ZBTB20: variants seen among roughly 807,000 people sequenced by gnomAD.
ZBTB20 encodes the protein zinc finger and BTB domain containing 20, also known as zinc finger and BTB domain-containing protein 20.
Under a neutral mutation model 56.9 loss-of-function variants are expected in ZBTB20, and 9 were observed. The observed-to-expected ratio is 0.16, with a 90% CI of 0.10 to 0.28. The LOEUF (loss-of-function observed/expected upper bound fraction) is 0.28, where lower values mean the gene tolerates loss of function less well. ZBTB20 is among the 10% of genes least tolerant of loss of function. The pLI is 1.00. For synonymous variants in ZBTB20, 417 were observed against 420.7 expected, an observed-to-expected ratio of 0.99 and a Z score of 0.11; for missense variants, 655 against 1,003.0, an observed-to-expected ratio of 0.65 and a Z score of 4.69.
chr3:114,436,123 T>C (rs971488665), intron 7 of ZBTB20, among the ~76,000 whole-genome samples: 3 of 152,202 alleles, frequency 2.0e-5, no homozygotes, highest in Non-Finnish European at 4.4e-5. Context: ...TACTATTAAA[T>C]TGATAACTAC....
chr3:115,016,595 A>T (rs778191674), intron 2 of ZBTB20, among the ~76,000 whole-genome samples: 11 of 151,766 alleles, frequency 7.2e-5, no homozygotes, highest in Non-Finnish European at 1.5e-4. Context: ...TGTTTTTGTC[A>T]GGTTTGTCGA....
intron 6 of ZBTB20, among the ~76,000 whole-genome samples, chr3:114,618,821 T>C (rs1357420936): frequency 6.6e-6 from 1 of 152,208 alleles, no homozygotes; most frequent in East Asian, 1.9e-4. Context: ...AGACAATTCT[T>C]TGCACTTTGT....
chr3:114,344,017 C>T (rs945043400), intron 11 of ZBTB20, among the ~76,000 whole-genome samples: 2 of 152,040 alleles, frequency 1.3e-5, no homozygotes, highest in African/African-American at 2.4e-5. Flanking sequence ...CCACTGCACT[C>T]CAGCCTGGGC....
intron 6 of ZBTB20, among the ~76,000 whole-genome samples, chr3:114,642,698 T>C (rs2059622917): frequency 6.6e-6 from 1 of 152,054 alleles, no homozygotes; most frequent in African/African-American, 2.4e-5. Flanking sequence ...CTGAAAACGT[T>C]TTAAGTTAAT....
rs1016379491 is a variant in ZBTB20, at chr3:114,869,640, C to CA, written c.-417+30663dup. On this transcript the variant is annotated intron_variant, in intron 4 of 11. Coordinates refer to ENST00000675478, the MANE Select transcript of ZBTB20 (RefSeq NM_001348800.3). ...CAAATGCTTCCTTTTATATTTTCAT[C>CA]AAAAAACAAGCCTATTTCCTTATCT... 2.6e-5 allele frequency among the ~76,000 whole-genome samples: 4 copies of CA among 152,130 alleles called. No homozygotes were observed. In the Middle Eastern group the frequency reaches 0.01, roughly 388 times the overall value.
Position 114,316,384 on chromosome 3 carries a change from G to A in ZBTB20, c.*22621C>T. ...GCAAGAGTCCAACCTTGTTTCCTCT[G>A]CTGCTGTTTGTGTAGCATCTGGTTT... On this transcript the variant is annotated 3_prime_UTR_variant, in exon 12 of 12. Coordinates refer to ENST00000675478, the MANE Select transcript of ZBTB20 (RefSeq NM_001348800.3). 1 of 435,370 alleles carries A rather than the reference G, an allele frequency of 2.3e-6. No homozygotes were observed. Among genetic ancestry groups the A allele is most frequent in the South Asian group, 1.7e-5 (1 of 57,314 alleles). The allele number at this position is 435,370 out of a possible 1,614,324, so 27.0% of individuals were successfully genotyped here.
intron 1 of ZBTB20, among the ~76,000 whole-genome samples, chr3:115,072,097 T>C (rs146453580): frequency 2.7e-4 from 41 of 152,326 alleles, no homozygotes; most frequent in African/African-American, 9.1e-4. Flanking sequence ...TTATTTCTTT[T>C]ATCTCTGCAA....
At chr3:114,708,104 TG>T (rs772991679) in intron 5 of ZBTB20, among the ~76,000 whole-genome samples, 5 of 152,202 alleles carry the variant, frequency 3.3e-5, no homozygotes, top group Non-Finnish European at 5.9e-5. Flanking sequence ...ATAAGCAGAA[TG>T]CTTGTACAGA....
chr3:114,669,421 A>G (rs1452594356), intron 6 of ZBTB20, among the ~76,000 whole-genome samples: 1 of 152,068 alleles, frequency 6.6e-6, no homozygotes, highest in Admixed American at 6.6e-5. Flanking sequence ...TGGATACCAT[A>G]CTAAGGAAAA....
At chr3:114,746,830 T>C (rs909288107) in intron 5 of ZBTB20, among the ~76,000 whole-genome samples, 6 of 152,210 alleles carry the variant, frequency 3.9e-5, no homozygotes, top group African/African-American at 9.6e-5. Context: ...ATTTATTAGA[T>C]TGAGCCATGT....
chr3:114,676,948 T>C (rs2061666111), intron 6 of ZBTB20, among the ~76,000 whole-genome samples: 1 of 152,034 alleles, frequency 6.6e-6, no homozygotes, highest in Non-Finnish European at 1.5e-5. Context: ...CTAATTTTTG[T>C]ATCTTTAGTA....
intron 3 of ZBTB20, among the ~76,000 whole-genome samples, chr3:114,962,734 A>C (rs1226822586): frequency 2.0e-5 from 3 of 152,132 alleles, no homozygotes; most frequent in African/African-American, 7.2e-5. Context: ...CTTGTTGACA[A>C]ACCAAAAAAC....
At chr3:115,057,261 A>T (rs1054864973) in intron 2 of ZBTB20, among the ~76,000 whole-genome samples, 7 of 148,878 alleles carry the variant, frequency 4.7e-5, no homozygotes, top group South Asian at 2.1e-4. Flanking sequence ...TGTGTTCTTT[A>T]TTTTTTTTTC....
chr3:114,856,559 TA>T (rs201952651), intron 4 of ZBTB20, among the ~76,000 whole-genome samples: 3,128 of 151,970 alleles, frequency 0.021, 63 homozygotes, highest in African/African-American at 0.055. Flanking sequence ...AAAAGAAAAT[TA>T]AAAAAAGATA....
chr3:114,434,294 A>G (rs1395947635), intron 7 of ZBTB20, among the ~76,000 whole-genome samples: 2 of 152,114 alleles, frequency 1.3e-5, no homozygotes, highest in Non-Finnish European at 2.9e-5. Context: ...AGCAAAAAAT[A>G]CATTTCCTGA....
chr3:114,772,167 C>G (rs1274515830), intron 5 of ZBTB20, among the ~76,000 whole-genome samples: 1 of 151,906 alleles, frequency 6.6e-6, no homozygotes, highest in Admixed American at 6.6e-5. Context: ...TGGTGAAACC[C>G]CGTCTCTACT....
intron 4 of ZBTB20, among the ~76,000 whole-genome samples, chr3:114,843,341 A>G (rs913296010): frequency 6.6e-6 from 1 of 152,182 alleles, no homozygotes; most frequent in African/African-American, 2.4e-5. Context: ...AGGCAAGGAA[A>G]GAACTATAAG....
intron 6 of ZBTB20, among the ~76,000 whole-genome samples, chr3:114,676,584 T>C (rs1258696547): frequency 6.6e-6 from 1 of 152,136 alleles, no homozygotes; most frequent in African/African-American, 2.4e-5. Flanking sequence ...AACTCTTAGA[T>C]GTCCTAGGTA....
chr3:114,804,421 C>T (rs17683252), intron 4 of ZBTB20, among the ~76,000 whole-genome samples: 11,072 of 151,858 alleles, frequency 0.073, 458 homozygotes, highest in African/African-American at 0.11. Flanking sequence ...TATGTTAATT[C>T]AGGCACTTCT....
Sources: allele counts gnomAD v4.1 joint callset (sites outside exome capture counted in the v4.1 genomes callset), GRCh38; gene constraint gnomAD v4.1.1; transcripts MANE v1.5; gene names NCBI Gene and HGNC (gene_info 2026-07-23, HGNC 2026-07-21).